The following SLC24A2 variants were observed in gnomAD, a reference collection of about 807,000 sequenced individuals.
SLC24A2 encodes solute carrier family 24 member 2.
Under a neutral mutation model 62.0 loss-of-function variants are expected in SLC24A2, and 36 were observed. The ratio of observed to expected loss-of-function variants is 0.58; its 90% CI spans 0.44 to 0.77. SLC24A2 has a LOEUF of 0.77. SLC24A2 is among the 30% of genes least tolerant of loss of function. The pLI is 0.00. For synonymous variants in SLC24A2, 358 were observed against 294.0 expected (o/e 1.22, Z -2.23); for missense variants, 846 against 817.9 (o/e 1.03, Z -0.42).
the SLC24A2 span, among the ~76,000 whole-genome samples, chr9:19,943,713 A>G: frequency 1.3e-5 from 2 of 152,198 alleles, no homozygotes; most frequent in Non-Finnish European, 2.9e-5. Context: ...CAACATTCTA[A>G]GTTTCATCAG....
chr9:19,804,418 T>G, the SLC24A2 span, among the ~76,000 whole-genome samples: 2 of 152,180 alleles, frequency 1.3e-5, no homozygotes, highest in Admixed American at 6.5e-5. Context: ...TTCAAAGTTA[T>G]AAATGGAATT....
chr9:19,761,498 A>ATTG, intron 2 of SLC24A2, among the ~76,000 whole-genome samples: 1 of 137,046 alleles, frequency 7.3e-6, no homozygotes, highest in South Asian at 2.3e-4. Context: ...TTTTATTATT[A>ATTG]TACTTTAAGT....
At chr9:20,115,562 C>A in the SLC24A2 span, among the ~76,000 whole-genome samples, 1 of 152,110 alleles carries the variant, frequency 6.6e-6, no homozygotes, top group African/African-American at 2.4e-5. Context: ...AATGCCTGTA[C>A]AATGAACAGA....
chr9:19,791,564 T>G (rs1823320868), upstream of SLC24A2, among the ~76,000 whole-genome samples: 1 of 152,210 alleles, frequency 6.6e-6, no homozygotes, highest in African/African-American at 2.4e-5. Flanking sequence ...ACTTGGCAAT[T>G]AATTGCCACA....
At chr9:19,555,034 C>CACTAG (rs1271588796) in intron 7 of SLC24A2, among the ~76,000 whole-genome samples, 8 of 152,148 alleles carry the variant, frequency 5.3e-5, no homozygotes, top group Non-Finnish European at 1.2e-4. Context: ...CACATGTTAA[C>CACTAG]ACTAGACTAG....
the SLC24A2 span, among the ~76,000 whole-genome samples, chr9:20,275,537 T>C: frequency 1.3e-5 from 2 of 152,204 alleles, no homozygotes; most frequent in Non-Finnish European, 1.5e-5. Context: ...ATTCCTCTTC[T>C]TAGACACCCA....
chr9:19,642,578 C>T (rs1435730672), intron 2 of SLC24A2, among the ~76,000 whole-genome samples: 1 of 151,798 alleles, frequency 6.6e-6, no homozygotes, highest in Non-Finnish European at 1.5e-5. Context: ...GTTATGCCTA[C>T]AGGTCCTGCT....
At chr9:20,019,371 G>C in the SLC24A2 span, among the ~76,000 whole-genome samples, 1 of 152,122 alleles carries the variant, frequency 6.6e-6, no homozygotes, top group Non-Finnish European at 1.5e-5. Context: ...ATATAAGGAA[G>C]GGGTCCAGTT....
chr9:20,193,866 G>A, the SLC24A2 span, among the ~76,000 whole-genome samples: 18,879 of 151,944 alleles, frequency 0.12, 1,329 homozygotes, highest in African/African-American at 0.2. Context: ...TGATCCTATC[G>A]GTTGAAAGAA....
intron 2 of SLC24A2, among the ~76,000 whole-genome samples, chr9:19,782,201 G>A (rs1032128614): frequency 6.6e-6 from 1 of 152,274 alleles, no homozygotes; most frequent in Non-Finnish European, 1.5e-5. Context: ...CACCATAACA[G>A]ATCAACGGCC....
chr9:20,297,385 A>G, the SLC24A2 span, among the ~76,000 whole-genome samples: 1 of 152,178 alleles, frequency 6.6e-6, no homozygotes, highest in Non-Finnish European at 1.5e-5. Context: ...GGTCAGGGTG[A>G]GGTGGCCAAC....
intron 2 of SLC24A2, among the ~76,000 whole-genome samples, chr9:19,695,363 T>C (rs1324224596): frequency 6.6e-6 from 1 of 152,108 alleles, no homozygotes; most frequent in Non-Finnish European, 1.5e-5. Context: ...TGGAATATGA[T>C]TGGCTTGCCT....
At chr9:20,079,418 TATAAAC>T in the SLC24A2 span, among the ~76,000 whole-genome samples, 1,958 of 152,298 alleles carry the variant, frequency 0.013, 53 homozygotes, top group African/African-American at 0.045. Flanking sequence ...TCTGTGCAAA[TATAAAC>T]ATACATATGC....
chr9:20,199,200 C>A, the SLC24A2 span, among the ~76,000 whole-genome samples: 1 of 152,102 alleles, frequency 6.6e-6, no homozygotes, highest in South Asian at 2.1e-4. Context: ...AGAAATGATA[C>A]CAAATGGAGA....
At chr9:19,836,396 A>T in the SLC24A2 span, among the ~76,000 whole-genome samples, 1 of 152,176 alleles carries the variant, frequency 6.6e-6, no homozygotes, top group South Asian at 2.1e-4. Flanking sequence ...CAAAGGGGAT[A>T]CCACCACCGA....
intron 2 of SLC24A2, among the ~76,000 whole-genome samples, chr9:19,649,326 T>C (rs1395551470): frequency 1.3e-5 from 2 of 152,204 alleles, no homozygotes; most frequent in Non-Finnish European, 2.9e-5. Flanking sequence ...TATGTTGATC[T>C]GTAGCTTGAA....
At chr9:20,222,997 T>C in the SLC24A2 span, among the ~76,000 whole-genome samples, 1 of 152,006 alleles carries the variant, frequency 6.6e-6, no homozygotes, top group Non-Finnish European at 1.5e-5. Flanking sequence ...GTAGATGATA[T>C]GATTATCTAG....
At chr9:19,799,624 C>T in the SLC24A2 span, among the ~76,000 whole-genome samples, 7 of 152,134 alleles carry the variant, frequency 4.6e-5, no homozygotes, top group African/African-American at 1.7e-4. Context: ...CCAGATCTTG[C>T]CTTAACTTTT....
chr9:19,829,763 ATATGTGTGTGTGTG>A, the SLC24A2 span, among the ~76,000 whole-genome samples: 4 of 76,146 alleles, frequency 5.3e-5, no homozygotes, highest in East Asian at 3.2e-4. Context: ...TTTTATATAT[ATATGTGTGTGTGTG>A]TGTGTGTGTG....
Sources: allele counts gnomAD v4.1 joint callset (sites outside exome capture counted in the v4.1 genomes callset), GRCh38; gene constraint gnomAD v4.1.1; transcripts MANE v1.5; gene names NCBI Gene and HGNC (gene_info 2026-07-23, HGNC 2026-07-21).